The following ARHGEF10 variants were observed in gnomAD, a reference collection of about 807,000 sequenced individuals.
ARHGEF10 encodes the protein Rho guanine nucleotide exchange factor 10.
Under a neutral mutation model 147.4 loss-of-function variants are expected in ARHGEF10, and 140 were observed. The observed-to-expected ratio is 0.95, with a 90% CI of 0.83 to 1.09. ARHGEF10 has a LOEUF of 1.09. Among genes scored for constraint, ARHGEF10 ranks in the 50% least tolerant of loss-of-function variants. The pLI, the probability that ARHGEF10 is intolerant of heterozygous loss-of-function variation, is 0.00. For synonymous variants in ARHGEF10, 902 were observed against 695.8 expected, an observed-to-expected ratio of 1.30 and a Z score of -4.67; for missense variants, 2,222 against 1,752.7, an observed-to-expected ratio of 1.27 and a Z score of -4.78.
At chr8:1,889,489 AG>A (rs1809211230) in intron 11 of ARHGEF10, among the ~76,000 whole-genome samples, 2 of 33,888 alleles carry the variant, frequency 5.9e-5, no homozygotes, top group East Asian at 1.4e-3. Flanking sequence ...GAGTGGGGTG[AG>A]GGGTCTGTGA....
At chr8:1,888,191 TG>T (rs200841478) in intron 11 of ARHGEF10, among the ~76,000 whole-genome samples, 8 of 33,958 alleles carry the variant, frequency 2.4e-4, no homozygotes, top group African/African-American at 1.2e-3. Flanking sequence ...GGTGAGGGTT[TG>T]CGAGGAGACA....
intron 11 of ARHGEF10, among the ~76,000 whole-genome samples, chr8:1,888,557 A>G (rs1481598620): frequency 2.0e-5 from 2 of 100,106 alleles, no homozygotes; most frequent in East Asian, 3.9e-4. Context: ...GGGGTGAGGT[A>G]TGGGGAGACA....
intron 1 of ARHGEF10, among the ~76,000 whole-genome samples, chr8:1,832,811 CAGAGGCAG>C (rs2129037757): frequency 4.4e-5 from 3 of 68,126 alleles, no homozygotes; most frequent in African/African-American, 6.7e-5. Context: ...GAGGCAGAGA[CAGAGGCAG>C]AGAGAGAGGC....
intron 15 of ARHGEF10, among the ~76,000 whole-genome samples, chr8:1,901,217 C>T (rs1044909644): frequency 1.3e-5 from 2 of 152,076 alleles, no homozygotes; most frequent in Non-Finnish European, 2.9e-5. Context: ...ACATACCCTC[C>T]CTCCTGCCTT....
At chr8:1,875,335 G>A (rs1039468936) in intron 7 of ARHGEF10, among the ~76,000 whole-genome samples, 1 of 152,102 alleles carries the variant, frequency 6.6e-6, no homozygotes, top group Non-Finnish European at 1.5e-5. Context: ...TTTTCTCTGA[G>A]TCCCCTAGTA....
intron 28 of ARHGEF10, among the ~76,000 whole-genome samples, chr8:1,955,318 C>G (rs1479405097): frequency 1.4e-5 from 2 of 146,312 alleles, no homozygotes; most frequent in Non-Finnish European, 3.0e-5. Context: ...TAGCTAGGTG[C>G]TCCCTAAAAG....
chr8:1,939,197 G>T lies in ARHGEF10; in HGVS notation c.3222+5255G>T, dbSNP rs939508899. Among the ~76,000 whole-genome samples the T allele has an allele frequency of 2.0e-5, 3 of 152,366 alleles. No homozygotes were observed. The South Asian group carries it at 6.2e-4, about 32-fold the overall frequency. Reference sequence around the variant, plus strand: ...ATCACACAATTTCAAGGCAAACGGAGACTTAGAGATCCTGTGGCCCAGTGT... The same window carrying T: ...ATCACACAATTTCAAGGCAAACGGATACTTAGAGATCCTGTGGCCCAGTGT... On this transcript the variant is annotated intron_variant, in intron 26 of 28. Transcript: ENST00000349830.
intron 11 of ARHGEF10, among the ~76,000 whole-genome samples, chr8:1,886,199 T>C (rs1320924852): frequency 1.3e-5 from 2 of 152,196 alleles, no homozygotes; most frequent in African/African-American, 2.4e-5. Flanking sequence ...GTGGTTTTCA[T>C]TGGATTGTCT....
At chr8:1,858,175 G>T (rs1805744749) in intron 3 of ARHGEF10, 60 bp downstream of exon 3, 1 of 1,534,052 alleles carries the variant, frequency 6.5e-7, no homozygotes, top group South Asian at 1.2e-5. Context: ...TGAGTCCCCA[G>T]GTGGGTCCCC....
rs1441761172 is a variant in ARHGEF10, at chr8:1,888,729, GAGGTTTGTGAGGAGACACTGAATA to G, written c.1182+3023_1182+3046del. ...TTTGTGAGGAGACACTGAATAGGGT[GAGGTTTGTGAGGAGACACTGAATA>G]GGGTGAGGTTTGTGAGGAGACACTG... On this transcript the variant is annotated intron_variant, in intron 11 of 28. Transcript: ENST00000349830. 4.1e-3 allele frequency among the ~76,000 whole-genome samples: 221 copies of G among 53,668 alleles called. 22 individuals are homozygous for G. The highest frequency in any genetic ancestry group is 0.014 in the East Asian group (7 of 516). The allele number at this position is 53,668 out of a possible 152,430, so 35.2% of individuals were successfully genotyped here.
intron 17 of ARHGEF10, among the ~76,000 whole-genome samples, chr8:1,906,209 G>A (rs1585483655): frequency 2.0e-5 from 3 of 152,194 alleles, no homozygotes; most frequent in South Asian, 4.1e-4. Context: ...ATGAGGATAT[G>A]TGAGAAACTA....
chr8:1,913,123 A>T (rs1456733002), intron 18 of ARHGEF10, among the ~76,000 whole-genome samples: 29 of 150,726 alleles, frequency 1.9e-4, no homozygotes, highest in Non-Finnish European at 1.0e-4. Flanking sequence ...TCTGGTACTA[A>T]GTAGGAGTTG....
At chr8:1,853,819 C>T (rs10108243) in intron 2 of ARHGEF10, among the ~76,000 whole-genome samples, 22,875 of 152,140 alleles carry the variant, frequency 0.15, 1,824 homozygotes, top group South Asian at 0.19. Context: ...TGGGCACTCC[C>T]GGGAGTTCCT....
chr8:1,933,669 G>C (rs559525424), intron 25 of ARHGEF10, 131 bp from the exon 26 acceptor site: 1 of 1,219,350 alleles, frequency 8.2e-7, no homozygotes, highest in African/African-American at 1.5e-5. Context: ...ACACAGCCAG[G>C]ATCAGGCACA....
chr8:1,930,772 G>A (rs1293952580), intron 25 of ARHGEF10, among the ~76,000 whole-genome samples: 1 of 152,222 alleles, frequency 6.6e-6, no homozygotes. Flanking sequence ...CTCCCGTGTG[G>A]TTCCGGCCTG....
intron 28 of ARHGEF10, among the ~76,000 whole-genome samples, chr8:1,954,150 G>A (rs577522193): frequency 3.2e-4 from 48 of 152,048 alleles, no homozygotes; most frequent in Admixed American, 1.1e-3. Context: ...ACGGAGTCCA[G>A]TGGCACAGTC....
intron 10 of ARHGEF10, among the ~76,000 whole-genome samples, chr8:1,884,335 G>A (rs1243411608): frequency 4.0e-5 from 6 of 151,554 alleles, no homozygotes; most frequent in South Asian, 4.2e-4. Flanking sequence ...GGCGGAGCTT[G>A]CAGTGAGCCG....
At chr8:1,880,937 G>A (rs1022539100) in intron 9 of ARHGEF10, among the ~76,000 whole-genome samples, 18 of 152,172 alleles carry the variant, frequency 1.2e-4, no homozygotes, top group African/African-American at 2.2e-4. Context: ...CCTGGGAGCC[G>A]CGTTACCCCC....
intron 28 of ARHGEF10, among the ~76,000 whole-genome samples, chr8:1,956,527 T>C (rs958387829): frequency 2.0e-4 from 30 of 152,198 alleles, no homozygotes; most frequent in Non-Finnish European, 8.8e-5. Flanking sequence ...CTTTCTATTT[T>C]AGAAAATCAT....
Sources: allele counts gnomAD v4.1 joint callset (sites outside exome capture counted in the v4.1 genomes callset), GRCh38; gene constraint gnomAD v4.1.1; transcripts MANE v1.5; gene names NCBI Gene and HGNC (gene_info 2026-07-23, HGNC 2026-07-21).